Variants in PPL observed in about 807,000 individuals in gnomAD.
The protein encoded by PPL is periplakin.
In PPL, 198 loss-of-function variants were observed where a neutral mutation model predicts 194.4. The observed-to-expected ratio is 1.02, with a 90% confidence interval of 0.91 to 1.15. The LOEUF is 1.15. Among genes scored for constraint, PPL ranks in the 50% most tolerant of loss-of-function variants. The pLI is 0.00. For synonymous variants in PPL, 1,220 were observed against 972.4 expected (o/e 1.25, Z -4.74); for missense variants, 2,885 against 2,294.8 (o/e 1.26, Z -5.25).
At chr16:4,900,922 C>A in intron 5 of PPL, 42 bp downstream of exon 5, 2 of 1,613,998 alleles carry the variant, frequency 1.2e-6, no homozygotes, top group Non-Finnish European at 1.7e-6. Context: ...AGGCGCGGCC[C>A]CCTCCATCCC....
At chr16:4,895,105 G>T (rs558709684) in intron 11 of PPL, among the ~76,000 whole-genome samples, 156 bp downstream of exon 11, 1 of 152,214 alleles carries the variant, frequency 6.6e-6, no homozygotes, top group Non-Finnish European at 1.5e-5. Flanking sequence ...CGGCATAGGG[G>T]TGCCAGTTGG....
In PPL at chr16:4,900,876, G is replaced by A; in HGVS notation, c.565-5C>T. On this transcript the variant is annotated splice_region_variant and splice_polypyrimidine_tract_variant and intron_variant, in intron 5 of 21. Coordinates refer to ENST00000345988, the MANE Select transcript of PPL (RefSeq NM_002705.5). ...CCGGAGTTCGCTGTTCTGCTCCTGA[G>A]GACAGAGCCGAGGGCATGGGTCAGG... 6.2e-7 allele frequency: 1 copy of A among 1,614,150 alleles called. No individual in the cohort carries two copies. Among genetic ancestry groups the A allele is most frequent in the Admixed American group, 1.7e-5 (1 of 60,028 alleles).
chr16:4,930,560 G>A (rs571463033), intron 1 of PPL, among the ~76,000 whole-genome samples: 3 of 152,282 alleles, frequency 2.0e-5, no homozygotes, highest in East Asian at 1.9e-4. Context: ...TTCAGCACGC[G>A]TGTAGCACCA....
intron 18 of PPL, 94 bp downstream of exon 18, chr16:4,890,090 C>T (rs1388504924): frequency 2.5e-6 from 4 of 1,585,784 alleles, no homozygotes; most frequent in African/African-American, 2.7e-5. Flanking sequence ...CCCTGCTCCA[C>T]CTCCCAAAGG....
intron 1 of PPL, among the ~76,000 whole-genome samples, chr16:4,930,806 T>G (rs1160158044): frequency 6.6e-6 from 1 of 152,218 alleles, no homozygotes; most frequent in East Asian, 1.9e-4. Flanking sequence ...GGAAAGGCCT[T>G]GTGGCCGGGC....
intron 1 of PPL, among the ~76,000 whole-genome samples, chr16:4,936,350 C>A (rs1568073530): frequency 6.6e-6 from 1 of 152,196 alleles, no homozygotes; most frequent in Non-Finnish European, 1.5e-5. Context: ...CCCGACCCCA[C>A]ACCCCCCAGG....
At chr16:4,890,461 AG>A in intron 17 of PPL, 127 bp from the exon 18 acceptor site, 1 of 1,257,678 alleles carries the variant, frequency 8.0e-7, no homozygotes. Context: ...TCTCCCACAC[AG>A]GGTGGGTGGT....
At position 4,910,908 on chromosome 16, in the gene PPL, T is replaced by G. The variant is rs1328587586; in HGVS notation, c.104A>C (p.Gln35Pro). The change falls in exon 2 of 22, where the codon CAG becomes CCG. Residue 35 changes from glutamine to proline, a missense_variant. Transcript: ENST00000345988. ...CTTCTCCACCTGGTCGGCATTCTTC[T>G]GCAGCTGCTCGATCAGCTCCGAGAG... ...KELSELIEQL[Q>P]KNADQVEKNI... 6.2e-7 allele frequency: 1 copy of G among 1,613,784 alleles called. No individual in the cohort carries two copies. The highest frequency in any genetic ancestry group is 1.7e-5 in the Admixed American group (1 of 60,030).
At chr16:4,917,986 C>CA (rs199659886) in intron 1 of PPL, among the ~76,000 whole-genome samples, 20,420 of 133,714 alleles carry the variant, frequency 0.15, 1,608 homozygotes, top group East Asian at 0.28. Flanking sequence ...AAAGCTGCTA[C>CA]AAAAAAAAAA....
chr16:4,914,024 T>C (rs933805686), intron 1 of PPL, among the ~76,000 whole-genome samples: 2 of 151,842 alleles, frequency 1.3e-5, no homozygotes, highest in African/African-American at 4.8e-5. Context: ...ACTGGCTGGG[T>C]GGGGACAGCG....
At chr16:4,893,048 T>G in intron 14 of PPL, 165 bp downstream of exon 14, 1 of 878,348 alleles carries the variant, frequency 1.1e-6, no homozygotes, top group Non-Finnish European at 1.6e-6. Context: ...ACAGCAGCCC[T>G]GCCACCTCCA....
In PPL at chr16:4,883,478, T is replaced by G; in HGVS notation, c.5177A>C (p.Gln1726Pro). 6.2e-7 allele frequency: 1 copy of G among 1,614,230 alleles called. No individual in the cohort carries two copies. The highest frequency in any genetic ancestry group is 1.1e-5 in the South Asian group (1 of 91,084). ...GKKFSIEEAL[Q>P]SGRLTPAQYD... ...CTGAGCAGGGGTCAGCCTGCCACTC[T>G]GCAGGGCCTCTTCGATGGAGAACTT... The change falls in exon 22 of 22, where the codon CAG (glutamine) becomes CCG (proline). Residue 1726 changes from glutamine to proline, a missense_variant. Gln to Pro is a moderately conservative substitution (Grantham distance 76). Coordinates refer to ENST00000345988, the MANE Select transcript of PPL (RefSeq NM_002705.5). The surrounding 1 kb of genome is among the most constrained non-coding windows in gnomAD (Gnocchi z 4.8).
At chr16:4,890,375 G>A in intron 17 of PPL, 41 bp from the exon 18 acceptor site, 2 of 1,546,582 alleles carry the variant, frequency 1.3e-6, no homozygotes, top group Non-Finnish European at 8.7e-7. Flanking sequence ...ACAGCAAACA[G>A]ATGCCTCACC....
At chr16:4,928,194 G>A (rs535038674) in intron 1 of PPL, among the ~76,000 whole-genome samples, 1 of 152,262 alleles carries the variant, frequency 6.6e-6, no homozygotes, top group Non-Finnish European at 1.5e-5. Context: ...TCAGGCTGAA[G>A]TGCATTGCTG....
At chr16:4,928,932 A>G (rs1440865341) in intron 1 of PPL, among the ~76,000 whole-genome samples, 1 of 143,114 alleles carries the variant, frequency 7.0e-6, no homozygotes, top group Non-Finnish European at 1.5e-5. Context: ...AATCACTTGA[A>G]CCCAGGAGGC....
At chr16:4,920,301 AGAAG>A (rs1271133118) in intron 1 of PPL, among the ~76,000 whole-genome samples, 7 of 130,690 alleles carry the variant, frequency 5.4e-5, no homozygotes, top group Admixed American at 1.8e-4. Flanking sequence ...AAAGAAAGAA[AGAAG>A]GAAAGAAGGA....
At chr16:4,896,019 CCT>C (rs1461731455) in intron 9 of PPL, among the ~76,000 whole-genome samples, 1 of 152,218 alleles carries the variant, frequency 6.6e-6, no homozygotes, top group Non-Finnish European at 1.5e-5. Context: ...TGATTCAGTT[CCT>C]CTCTCTGTAC....
At chr16:4,924,776 T>TG (rs903099318) in intron 1 of PPL, among the ~76,000 whole-genome samples, 56 of 149,822 alleles carry the variant, frequency 3.7e-4, no homozygotes, top group African/African-American at 1.4e-3. Context: ...CCATAGGCCA[T>TG]GGGGCTGTGC....
intron 1 of PPL, among the ~76,000 whole-genome samples, chr16:4,914,789 T>A (rs1231525077): frequency 6.6e-6 from 1 of 151,998 alleles, no homozygotes; most frequent in Non-Finnish European, 1.5e-5. Flanking sequence ...GGATGGAGGA[T>A]CTCGGTAAGA....
Sources: gnomAD v4.1 joint callset for allele counts (sites outside exome capture counted in the v4.1 genomes callset) on GRCh38, gnomAD v4.1.1 for gene constraint, Gnocchi (gnomAD v3.1) non-coding constraint, MANE v1.5 for transcripts, NCBI Gene and HGNC (gene_info 2026-07-23, HGNC 2026-07-21) for gene names.